Variants in DCLK2 observed in about 807,000 individuals in gnomAD.
The protein encoded by DCLK2 is serine/threonine-protein kinase DCLK2.
In DCLK2, 31 loss-of-function variants were observed where a neutral mutation model predicts 78.4. That is an observed-to-expected ratio of 0.40 (90% CI 0.30 to 0.53). The LOEUF is 0.53. Ranked by LOEUF, DCLK2 falls within the 20% of genes least tolerant of loss-of-function variation. The pLI is 0.61. For synonymous variants in DCLK2, 407 were observed against 374.9 expected (o/e 1.09, Z -0.99); for missense variants, 872 against 973.7 (o/e 0.90, Z 1.39).
chr4:150,227,155 T>C (rs1741681831), intron 8 of DCLK2, among the ~76,000 whole-genome samples: 1 of 152,188 alleles, frequency 6.6e-6, no homozygotes, highest in Non-Finnish European at 1.5e-5. Context: ...GCTGTTTGGT[T>C]ACACAGCCTG....
Position 150,079,435 on chromosome 4 carries a change from C to G in DCLK2, c.408C>G (p.Asp136Glu), listed in dbSNP as rs770383233. 5.9e-6 allele frequency: 9 copies of G among 1,527,746 alleles called. No homozygotes were observed. In the African/African-American group the frequency reaches 9.7e-5, roughly 16 times the overall value. 94.6% of individuals were successfully genotyped at this position (1,527,746 alleles called of 1,614,324 possible). The change falls in exon 1 of 16, where the codon GAC becomes GAG. Residue 136 changes from aspartate (D) to glutamate (E), a missense_variant. By Grantham distance (45) the Asp-to-Glu change is conservative. Transcript: ENST00000296550. ...IDGSRKVTSL[D>E]ELLEGESYVC... ...GCAGCCGGAAGGTCACCAGCCTGGA[C>G]GAGCTGCTGGAAGGTAGGAGGGGAG...
In DCLK2 at chr4:150,079,075, C is replaced by T; in HGVS notation, c.48C>T (p.Asp16=). Reference sequence around the variant, plus strand: ...AGCTGGAGCACTTTGAGGAACGGGACAAAAGGCCGCGGCCGGGGTCGCGGA... The same window carrying T: ...AGCTGGAGCACTTTGAGGAACGGGATAAAAGGCCGCGGCCGGGGTCGCGGA... ...SIELEHFEER[D]KRPRPGSRRG... Residue 16 remains aspartate (D), a synonymous_variant, in exon 1 of 16, where the codon GAC becomes GAT. Coordinates refer to ENST00000296550, the MANE Select transcript of DCLK2 (RefSeq NM_001040260.4). 7.0e-6 allele frequency: 11 copies of T among 1,564,634 alleles called. No homozygotes were observed. The highest frequency in any genetic ancestry group is 9.5e-6 in the Non-Finnish European group (11 of 1,158,674).
At chr4:150,199,781 C>T (rs1739326813) in intron 4 of DCLK2, among the ~76,000 whole-genome samples, 1 of 151,804 alleles carries the variant, frequency 6.6e-6, no homozygotes, top group African/African-American at 2.4e-5. Flanking sequence ...AATACACTGA[C>T]CTGGGTTAAT....
chr4:150,079,626 A>G (rs1001363627), intron 1 of DCLK2, among the ~76,000 whole-genome samples, 178 bp downstream of exon 1: 5 of 152,208 alleles, frequency 3.3e-5, no homozygotes, highest in Admixed American at 3.3e-4. Context: ...CCACATACAC[A>G]CTGACTTTCC....
chr4:150,172,755 T>TTA (rs1348655666), intron 2 of DCLK2, among the ~76,000 whole-genome samples: 1 of 135,200 alleles, frequency 7.4e-6, no homozygotes, highest in Non-Finnish European at 1.6e-5. Flanking sequence ...TGTTCTTTTT[T>TTA]TTTTTGGGGG....
intron 15 of DCLK2, chr4:150,253,868 A>G: frequency 2.0e-6 from 2 of 985,488 alleles, no homozygotes; most frequent in South Asian, 9.4e-5. Context: ...AGAGCAGCTT[A>G]AGATGGTGCC....
At chr4:150,089,450 A>T (rs575428349) in intron 1 of DCLK2, among the ~76,000 whole-genome samples, 13 of 152,176 alleles carry the variant, frequency 8.5e-5, no homozygotes. Flanking sequence ...TATATGTACT[A>T]TGCCCTGTTT....
At chr4:150,113,616 T>A (rs1236504847) in intron 2 of DCLK2, among the ~76,000 whole-genome samples, 1 of 152,162 alleles carries the variant, frequency 6.6e-6, no homozygotes, top group Non-Finnish European at 1.5e-5. Context: ...TCATTTCAAA[T>A]TGAGTGTATT....
chr4:150,167,662 C>G (rs571031231), intron 2 of DCLK2, among the ~76,000 whole-genome samples: 1 of 152,204 alleles, frequency 6.6e-6, no homozygotes, highest in African/African-American at 2.4e-5. Context: ...GAGTGTCAGG[C>G]GACCATCAAG....
intron 8 of DCLK2, among the ~76,000 whole-genome samples, chr4:150,227,270 T>C (rs1741692995): frequency 1.3e-5 from 2 of 152,240 alleles, no homozygotes; most frequent in African/African-American, 2.4e-5. Context: ...CTTCTGTTTG[T>C]TCATCCTTAA....
At chr4:150,128,384 T>A (rs963598875) in intron 2 of DCLK2, among the ~76,000 whole-genome samples, 2 of 152,066 alleles carry the variant, frequency 1.3e-5, no homozygotes, top group Admixed American at 6.5e-5. Flanking sequence ...TGTGGGTGTT[T>A]GAAATCAAAT....
chr4:150,175,176 A>T (rs1160449803), intron 2 of DCLK2, among the ~76,000 whole-genome samples: 4 of 129,394 alleles, frequency 3.1e-5, no homozygotes, highest in Non-Finnish European at 4.7e-5. Flanking sequence ...ATATATATTT[A>T]TATATATTTA....
intron 2 of DCLK2, among the ~76,000 whole-genome samples, chr4:150,116,885 G>A (rs1245705371): frequency 2.0e-5 from 3 of 152,184 alleles, no homozygotes; most frequent in Non-Finnish European, 4.4e-5. Flanking sequence ...TATTGGCTAT[G>A]TTGGTTGACT....
At chr4:150,098,579 G>T (rs1414100675) in intron 1 of DCLK2, among the ~76,000 whole-genome samples, 2 of 152,114 alleles carry the variant, frequency 1.3e-5, no homozygotes, top group African/African-American at 4.8e-5. Context: ...TGGGTGAATT[G>T]TCTAGTGGTG....
intron 1 of DCLK2, among the ~76,000 whole-genome samples, chr4:150,091,797 G>GTT (rs1318018520): frequency 6.6e-6 from 1 of 151,796 alleles, no homozygotes; most frequent in Non-Finnish European, 1.5e-5. Context: ...GTGTGTGTGT[G>GTT]TGTGTGTGTG....
intron 3 of DCLK2, among the ~76,000 whole-genome samples, chr4:150,196,135 A>G (rs1739013863): frequency 6.6e-6 from 1 of 152,112 alleles, no homozygotes; most frequent in Non-Finnish European, 1.5e-5. Context: ...TTAGGCTTCT[A>G]ATAACATCTT....
In DCLK2 at chr4:150,078,863, G is replaced by T; in HGVS notation, c.-165G>T. The stretch of plus-strand genomic sequence containing the variant: ...TTTTAGCTGAGGGCGCGGGCGGGTC[G>T]GCTCCTCCGCGGCTCCTCGGCCCCA... On this transcript the variant is annotated 5_prime_UTR_variant, in exon 1 of 16. Transcript: ENST00000296550. The T allele has an allele frequency of 2.3e-6, 2 of 873,412 alleles. No homozygotes were observed. Among genetic ancestry groups the T allele is most frequent in the African/African-American group, 3.6e-5 (2 of 56,024 alleles). The allele number at this position is 873,412 out of a possible 1,614,324, so 54.1% of individuals were successfully genotyped here.
chr4:150,199,013 A>G lies in DCLK2; in HGVS notation c.961+910A>G, dbSNP rs766696778. On this transcript the variant is annotated intron_variant, in intron 4 of 15. Transcript: ENST00000296550. ...CCTTACTGTCTTCTACTCTGTGTAT[A>G]CTGCATGTGTACAGTAAAGCGGGGT... 8 of 1,566,086 alleles carry G rather than the reference A, an allele frequency of 5.1e-6. No homozygotes were observed. In the East Asian group the frequency reaches 1.2e-4, roughly 23 times the overall value.
At chr4:150,102,855 C>A in intron 2 of DCLK2, 43 bp downstream of exon 2, 1 of 1,522,746 alleles carries the variant, frequency 6.6e-7, no homozygotes, top group Non-Finnish European at 8.8e-7. Context: ...GACTTTTAAA[C>A]TCCCTGTGCC....
Sources: gnomAD v4.1 joint callset for allele counts (sites outside exome capture counted in the v4.1 genomes callset) on GRCh38, gnomAD v4.1.1 for gene constraint, MANE v1.5 for transcripts, NCBI Gene and HGNC (gene_info 2026-07-23, HGNC 2026-07-21) for gene names.